Variants in SPIN2A observed in about 807,000 individuals in gnomAD.
SPIN2A encodes the protein spindlin family member 2A.
SPIN2A carries 4 observed loss-of-function variants against 9.2 expected under a neutral mutation model. The ratio of observed to expected loss-of-function variants is 0.44; its 90% CI spans 0.21 to 1.00. The LOEUF (loss-of-function observed/expected upper bound fraction) is 1.00. Ranked by LOEUF, SPIN2A falls within the 50% of genes least tolerant of loss-of-function variation. The pLI is 0.26. For missense variants in SPIN2A, 77 were observed against 172.8 expected, an observed-to-expected ratio of 0.45 and a Z score of 3.11; for synonymous variants, 25 against 61.2, an observed-to-expected ratio of 0.41 and a Z score of 2.76.
chrX:57,143,256 A>G, the SPIN2A span, among the ~76,000 whole-genome samples: 3 of 109,588 alleles, frequency 2.7e-5, no homozygotes, highest in African/African-American at 1.0e-4. Context: ...CTTGCTTTAT[A>G]TTTTTTGTAT....
At chrX:57,146,051 C>A in the SPIN2A span, among the ~76,000 whole-genome samples, 1 of 108,100 alleles carries the variant, frequency 9.3e-6, no homozygotes, top group South Asian at 4.0e-4. Context: ...TATGCAGGCT[C>A]TTTTTTTGGT....
At chrX:57,137,468 G>T, upstream of SPIN2A, 2 of 415,551 alleles carry the variant, frequency 4.8e-6, no homozygotes, top group Non-Finnish European at 3.0e-6. Flanking sequence ...CCACCCCTCA[G>T]CCACGTTGGG....
chrX:57,134,392 C>T (rs1212344075), downstream of SPIN2A: 2 of 111,392 alleles, frequency 1.8e-5, no homozygotes, highest in Non-Finnish European at 3.8e-5. Flanking sequence ...TCTGCAGACA[C>T]CAGCTTTGTG....
upstream of SPIN2A, among the ~76,000 whole-genome samples, chrX:57,139,869 A>G (rs1927951760): frequency 9.0e-6 from 1 of 111,273 alleles, no homozygotes; most frequent in South Asian, 3.8e-4. Context: ...GAATTTTAGG[A>G]CTGTTTATTT....
chrX:57,139,801 C>T (rs1927949625), upstream of SPIN2A, among the ~76,000 whole-genome samples: 1 of 111,694 alleles, frequency 9.0e-6, no homozygotes, highest in Non-Finnish European at 1.9e-5. Flanking sequence ...GATGCCCCAG[C>T]TTAGTTCTTT....
chrX:57,138,906 A>G (rs1927921846), upstream of SPIN2A, among the ~76,000 whole-genome samples: 1 of 111,764 alleles, frequency 8.9e-6, no homozygotes, highest in Admixed American at 9.5e-5. Context: ...TTTAAATCAG[A>G]TTATTTGATT....
downstream of SPIN2A, chrX:57,135,384 C>G (rs1432479013): frequency 6.3e-6 from 1 of 159,140 alleles, no homozygotes; most frequent in African/African-American, 3.2e-5. Context: ...TCCCCTCCCC[C>G]AAGGAGCCCC....
At chrX:57,139,486 G>A (rs1927938271), upstream of SPIN2A, among the ~76,000 whole-genome samples, 3 of 111,156 alleles carry the variant, frequency 2.7e-5, no homozygotes, top group Non-Finnish European at 3.8e-5. Context: ...TTTTTGAGAC[G>A]GAGTCTTGCT....
the SPIN2A span, among the ~76,000 whole-genome samples, chrX:57,145,243 A>C: frequency 1.2e-5 from 1 of 81,686 alleles, no homozygotes; most frequent in African/African-American, 7.2e-5. Context: ...TTTGATTATG[A>C]TCATTCTTTT....
At chrX:57,145,575 A>G in the SPIN2A span, among the ~76,000 whole-genome samples, 5 of 111,570 alleles carry the variant, frequency 4.5e-5, no homozygotes, top group Non-Finnish European at 9.4e-5. Context: ...AGTCCCACTT[A>G]TTTATTTTTG....
At chrX:57,137,499 A>G, upstream of SPIN2A, 1 of 190,383 alleles carries the variant, frequency 5.3e-6, no homozygotes, top group Non-Finnish European at 8.1e-6. Flanking sequence ...TCCCTGATGC[A>G]GTGGCTGTAG....
chrX:57,137,312 T>C lies in SPIN2A; in HGVS notation c.-58A>G, dbSNP rs1211777814. On this transcript the variant is annotated 5_prime_UTR_variant, in exon 1 of 2. Coordinates refer to ENST00000374906, the MANE Select transcript of SPIN2A (RefSeq NM_019003.5). ...TGGCGAAGGAGGGTCAACAGGCGAC[T>C]CGCTGAGTGACTGCTTGCAAGAGCG... 11 of 758,058 alleles carry C rather than the reference T, an allele frequency of 1.5e-5. No individual in the cohort carries two copies. The highest frequency in any genetic ancestry group is 1.7e-5 in the Non-Finnish European group (11 of 641,655). 62.5% of individuals were successfully genotyped at this position (758,058 alleles called of 1,213,427 possible). A position where few individuals can be genotyped will look rare whatever the true frequency, so the allele number is the denominator to read the frequency against.
rs1327759192 is a variant in SPIN2A, at chrX:57,137,361, G to A, written c.-107C>T. The A allele has an allele frequency of 7.9e-6, 6 of 757,025 alleles. No individual in the cohort carries two copies. Among genetic ancestry groups the A allele is most frequent in the Non-Finnish European group, 9.4e-6 (6 of 640,745 alleles). 62.4% of individuals were successfully genotyped at this position (757,025 alleles called of 1,213,427 possible). A position where few individuals can be genotyped will look rare whatever the true frequency, so the allele number is the denominator to read the frequency against. On this transcript the variant is annotated 5_prime_UTR_variant, in exon 1 of 2. Transcript: ENST00000374906. ...CGGGGAGGGTAGGATCCATAGATGA[G>A]GAGCGTGTGTAGGAGCGCGGCGAGA...
intron 1 of SPIN2A, 176 bp downstream of exon 1, chrX:57,137,084 T>G: frequency 1.3e-6 from 1 of 787,163 alleles, no homozygotes; most frequent in Admixed American, 7.0e-5. Context: ...CCTACCCCCT[T>G]TCCCTGTCGT....
chrX:57,138,765 T>C (rs968639551), upstream of SPIN2A, among the ~76,000 whole-genome samples: 3 of 111,730 alleles, frequency 2.7e-5, no homozygotes, highest in African/African-American at 9.8e-5. Context: ...TTAACTGGGG[T>C]AAGATGATAT....
chrX:57,145,450 G>T, the SPIN2A span, among the ~76,000 whole-genome samples: 1 of 111,645 alleles, frequency 9.0e-6, no homozygotes, highest in Non-Finnish European at 1.9e-5. Flanking sequence ...GGAGATTCCG[G>T]ATATTAGTCC....
At chrX:57,145,097 G>C in the SPIN2A span, among the ~76,000 whole-genome samples, 32 of 111,701 alleles carry the variant, frequency 2.9e-4, no homozygotes, top group South Asian at 7.4e-4. Flanking sequence ...TGGATCAAAT[G>C]TTAGTTCTAC....
chrX:57,144,697 A>G, the SPIN2A span, among the ~76,000 whole-genome samples: 1 of 110,040 alleles, frequency 9.1e-6, no homozygotes, highest in East Asian at 2.8e-4. Context: ...AAGTGTTCCC[A>G]AAGTCCGTTG....
upstream of SPIN2A, among the ~76,000 whole-genome samples, chrX:57,139,645 G>A (rs753371060): frequency 2.3e-4 from 26 of 110,956 alleles, no homozygotes; most frequent in Non-Finnish European, 4.2e-4. Context: ...TAGTAGAGAC[G>A]GGGTTTCAGC....
Sources: gnomAD v4.1 joint callset for allele counts (sites outside exome capture counted in the v4.1 genomes callset) on GRCh38, gnomAD v4.1.1 for gene constraint, MANE v1.5 for transcripts, NCBI Gene and HGNC (gene_info 2026-07-23, HGNC 2026-07-21) for gene names.